RRM2B: variants seen among roughly 807,000 people sequenced by gnomAD.
RRM2B encodes ribonucleotide reductase regulatory TP53 inducible subunit M2B, also known as ribonucleoside-diphosphate reductase subunit M2 B.
A neutral mutation model predicts 45.9 loss-of-function variants in RRM2B; 20 were observed. That is an observed-to-expected ratio of 0.44 (90% CI 0.31 to 0.63). The LOEUF (loss-of-function observed/expected upper bound fraction) is 0.63. Among genes scored for constraint, RRM2B ranks in the 30% least tolerant of loss-of-function variants. The pLI, the probability that RRM2B is intolerant of heterozygous loss-of-function variation, is 0.09. For missense variants in RRM2B, 320 were observed against 414.7 expected (o/e 0.77, Z 1.98); for synonymous variants, 124 against 132.3 (o/e 0.94, Z 0.43).
At chr8:102,229,274 CAA>C (rs899199808) in intron 2 of RRM2B, among the ~76,000 whole-genome samples, 2 of 149,240 alleles carry the variant, frequency 1.3e-5, no homozygotes, top group African/African-American at 2.5e-5. Flanking sequence ...ACAACAACAA[CAA>C]AAAAAAAAAA....
In RRM2B at chr8:102,232,048, ATCT is replaced by A; in HGVS notation, c.204+98_204+100del. On this transcript the variant is annotated intron_variant, in intron 2 of 8. Transcript: ENST00000251810. ...TTCCAACACTTATCTTCTACAACTG[ATCT>A]TCTTCAATGTATAAGTTAAAGTTAT... The A allele has an allele frequency of 6.6e-6, 7 of 1,061,352 alleles. 1 individual carries two copies. In the South Asian group the frequency reaches 8.9e-5, roughly 14 times the overall value. 65.7% of individuals were successfully genotyped at this position (1,061,352 alleles called of 1,614,324 possible).
intron 5 of RRM2B, among the ~76,000 whole-genome samples, chr8:102,220,686 T>A (rs1248873587): frequency 6.6e-6 from 1 of 152,206 alleles, no homozygotes; most frequent in African/African-American, 2.4e-5. Context: ...TCCTCTCATC[T>A]CAGCCTCACA....
In RRM2B at chr8:102,221,180, C is replaced by T. The variant is rs1810829413; in HGVS notation, c.551-2233G>A. ...AGATATATAATTAGGAAAATTTTTGCTCTATAGGAATTGAATCTCCTTATA... is the reference window on the plus strand; with the variant it reads ...AGATATATAATTAGGAAAATTTTTGTTCTATAGGAATTGAATCTCCTTATA... On this transcript the variant is annotated intron_variant, in intron 5 of 8. Transcript: ENST00000251810. Among the ~76,000 whole-genome samples the T allele has an allele frequency of 3.3e-5, 5 of 151,908 alleles. No individual in the cohort carries two copies. In the South Asian group the frequency reaches 8.3e-4, roughly 25 times the overall value.
intron 8 of RRM2B, among the ~76,000 whole-genome samples, chr8:102,210,185 G>A (rs1445342904): frequency 6.6e-6 from 1 of 152,094 alleles, no homozygotes; most frequent in Non-Finnish European, 1.5e-5. Context: ...TTTAAATAAA[G>A]CTTTAAATAT....
chr8:102,217,418 T>G (rs907207385), intron 6 of RRM2B, among the ~76,000 whole-genome samples: 3 of 152,166 alleles, frequency 2.0e-5, no homozygotes, highest in African/African-American at 4.8e-5. Context: ...TATTAAAAAT[T>G]TAAAGCCATG....
chr8:102,238,464 C>A, intron 1 of RRM2B: 1 of 1,147,398 alleles, frequency 8.7e-7, no homozygotes, highest in Non-Finnish European at 1.2e-6. Context: ...CCGCCACAGT[C>A]CTCTTTCCTT....
At chr8:102,214,766 A>C (rs553806987) in intron 6 of RRM2B, among the ~76,000 whole-genome samples, 3 of 149,906 alleles carry the variant, frequency 2.0e-5, no homozygotes, top group African/African-American at 7.3e-5. Flanking sequence ...AAAAAAATAA[A>C]AAATAAATAA....
chr8:102,211,321 G>A (rs530330764), intron 8 of RRM2B, among the ~76,000 whole-genome samples: 3 of 152,322 alleles, frequency 2.0e-5, no homozygotes, highest in East Asian at 3.9e-4. Context: ...TAATCTCTAA[G>A]TAGATTAAGC....
chr8:102,219,448 T>TA (rs888275013), intron 5 of RRM2B, among the ~76,000 whole-genome samples: 10 of 151,992 alleles, frequency 6.6e-5, no homozygotes, highest in African/African-American at 1.4e-4. Flanking sequence ...ATCTGCAATT[T>TA]AAAAAAAATA....
At chr8:102,235,013 G>T (rs1054127377) in intron 1 of RRM2B, among the ~76,000 whole-genome samples, 1 of 152,066 alleles carries the variant, frequency 6.6e-6, no homozygotes, top group Non-Finnish European at 1.5e-5. Context: ...AGGTTAAAGT[G>T]GTCTGCTTTG....
chr8:102,206,625 CA>C lies in RRM2B; in HGVS notation c.*1507del, dbSNP rs1355538050. The stretch of plus-strand genomic sequence containing the variant: ...AGTACAGTTTGTTGGGAATGGGAAA[CA>C]ACTGCTTGAAGGGGTATACAGAATA... On this transcript the variant is annotated 3_prime_UTR_variant, in exon 9 of 9. Transcript: ENST00000251810. 4 of 152,122 alleles carry C rather than the reference CA, an allele frequency of 2.6e-5. No individual in the cohort carries two copies. Among genetic ancestry groups the C allele is most frequent in the African/African-American group, 9.7e-5 (4 of 41,440 alleles). The allele number at this position is 152,122 out of a possible 1,614,324, so 9.4% of individuals were successfully genotyped here.
intron 2 of RRM2B, among the ~76,000 whole-genome samples, chr8:102,228,399 A>C (rs1171198459): frequency 6.6e-6 from 1 of 152,142 alleles, no homozygotes; most frequent in Non-Finnish European, 1.5e-5. Context: ...CGATTTGTTC[A>C]TGTGATCTGA....
chr8:102,204,687 G>A lies in RRM2B; in HGVS notation c.*3446C>T, dbSNP rs916774513. 1 of 151,702 alleles carries A rather than the reference G, an allele frequency of 6.6e-6. No individual in the cohort carries two copies. The highest frequency in any genetic ancestry group is 2.4e-5 in the African/African-American group (1 of 41,288). The allele number at this position is 151,702 out of a possible 1,614,324, so 9.4% of individuals were successfully genotyped here. A position where few individuals can be genotyped will look rare whatever the true frequency, so the allele number is the denominator to read the frequency against. Reference sequence around the variant, plus strand: ...CTGTACATGCAGGCTTGGCTTGATTGACCATAATGTATTTCAGCAAAAAAA... The same window carrying A: ...CTGTACATGCAGGCTTGGCTTGATTAACCATAATGTATTTCAGCAAAAAAA... On this transcript the variant is annotated 3_prime_UTR_variant, in exon 9 of 9. Coordinates refer to ENST00000251810, the MANE Select transcript of RRM2B (RefSeq NM_015713.5).
intron 6 of RRM2B, among the ~76,000 whole-genome samples, chr8:102,217,924 A>G (rs997565773): frequency 6.6e-6 from 1 of 152,198 alleles, no homozygotes; most frequent in Non-Finnish European, 1.5e-5. Flanking sequence ...GATGTGGCTG[A>G]AAAAGAAGAA....
chr8:102,214,657 CTG>C (rs1255687780), intron 6 of RRM2B, among the ~76,000 whole-genome samples: 1 of 148,602 alleles, frequency 6.7e-6, no homozygotes, highest in Non-Finnish European at 1.5e-5. Flanking sequence ...TGGCTCATGC[CTG>C]TAATCTCAGC....
intron 1 of RRM2B, chr8:102,238,332 G>A: frequency 2.8e-6 from 1 of 354,154 alleles, no homozygotes; most frequent in Non-Finnish European, 5.5e-6. Flanking sequence ...CTGGGAGGAG[G>A]TCATGAGGAT....
rs1422337813 is a variant in RRM2B at position 102,215,922 on chromosome 8, G to A, written c.685-1764C>T. Among the ~76,000 whole-genome samples, 6 of 129,482 alleles carry A rather than the reference G, an allele frequency of 4.6e-5. No individual in the cohort carries two copies. The Admixed American group carries it at 4.9e-4, about 11-fold the overall frequency. 84.9% of individuals were successfully genotyped at this position (129,482 alleles called of 152,430 possible). A position where few individuals can be genotyped will look rare whatever the true frequency, so the allele number is the denominator to read the frequency against. On this transcript the variant is annotated intron_variant, in intron 6 of 8. Coordinates refer to ENST00000251810, the MANE Select transcript of RRM2B (RefSeq NM_015713.5). ...ATCATACCACTTGCACTCAGCCTGG[G>A]TGACAGAGAAAGACCCTGTCTCAAA...
intron 2 of RRM2B, among the ~76,000 whole-genome samples, chr8:102,230,492 C>T (rs1178276530): frequency 1.3e-5 from 2 of 152,174 alleles, no homozygotes; most frequent in South Asian, 2.1e-4. Flanking sequence ...GTATTCCACT[C>T]GTTCTCTGAA....
At chr8:102,238,588 TGGCTGGCCCC>T in intron 1 of RRM2B, 1 of 1,526,424 alleles carries the variant, frequency 6.6e-7, no homozygotes, top group East Asian at 2.5e-5. Context: ...GCGTCGTCCT[TGGCTGGCCCC>T]GGGGCAGAGC....
Sources: gnomAD v4.1 joint callset for allele counts (sites outside exome capture counted in the v4.1 genomes callset) on GRCh38, gnomAD v4.1.1 for gene constraint, MANE v1.5 for transcripts, NCBI Gene and HGNC (gene_info 2026-07-23, HGNC 2026-07-21) for gene names.